The following CCDC33 variants were observed in gnomAD, a reference collection of about 807,000 sequenced individuals.
CCDC33 encodes the protein coiled-coil domain containing 33, also known as coiled-coil domain-containing protein 33.
Under a neutral mutation model 91.9 loss-of-function variants are expected in CCDC33, and 94 were observed. The ratio of observed to expected loss-of-function variants is 1.02; its 90% CI spans 0.87 to 1.21. The LOEUF is 1.21. CCDC33 is among the 50% of genes most tolerant of loss of function. The pLI is 0.00. For synonymous variants in CCDC33, 396 were observed against 374.5 expected, an observed-to-expected ratio of 1.06 and a Z score of -0.66; for missense variants, 940 against 935.5, an observed-to-expected ratio of 1.00 and a Z score of -0.06.
chr15:74,281,624 A>G (rs2059365657), intron 9 of CCDC33, among the ~76,000 whole-genome samples, 154 bp from the exon 10 acceptor site: 1 of 152,172 alleles, frequency 6.6e-6, no homozygotes, highest in Non-Finnish European at 1.5e-5. Context: ...GCAGTTTGCG[A>G]GGGCAAAAGC....
At chr15:74,237,486 C>A (rs1595912232) in intron 1 of CCDC33, among the ~76,000 whole-genome samples, 1 of 152,210 alleles carries the variant, frequency 6.6e-6, no homozygotes, top group Admixed American at 6.5e-5. Context: ...ATGGGGGATA[C>A]CCTCTTTGTA....
chr15:74,209,230 C>T (rs949774093), intron 1 of CCDC33: 25 of 1,132,668 alleles, frequency 2.2e-5, no homozygotes, highest in Non-Finnish European at 3.2e-5. Context: ...TCCACACCCC[C>T]AAACCGTTTG....
At chr15:74,327,272 T>C (rs1170849578) in intron 11 of CCDC33, among the ~76,000 whole-genome samples, 1 of 152,120 alleles carries the variant, frequency 6.6e-6, no homozygotes, top group Non-Finnish European at 1.5e-5. Context: ...CCAGAAGCCA[T>C]GCTCTCCCTC....
At chr15:74,214,124 TG>T (rs1219896550), upstream of CCDC33, among the ~76,000 whole-genome samples, 1 of 143,914 alleles carries the variant, frequency 6.9e-6, no homozygotes, top group Non-Finnish European at 1.5e-5. Flanking sequence ...TCAGGGGCCA[TG>T]GGGGTGTGTC....
intron 2 of CCDC33, among the ~76,000 whole-genome samples, chr15:74,249,141 A>G (rs2075624978): frequency 6.6e-6 from 1 of 152,090 alleles, no homozygotes; most frequent in African/African-American, 2.4e-5. Context: ...AGTCTGCAAA[A>G]TAGCTCATTT....
chr15:74,218,124 G>A lies in CCDC33; in HGVS notation c.311-373G>A, dbSNP rs2074496475. 6.6e-6 allele frequency among the ~76,000 whole-genome samples: 1 copy of A among 152,150 alleles called. No individual in the cohort carries two copies. Among genetic ancestry groups the A allele is most frequent in the South Asian group, 2.1e-4 (1 of 4,826 alleles). On this transcript the variant is annotated intron_variant, in intron 1 of 2. Coordinates refer to the CCDC33 transcript ENST00000635913. The surrounding 1 kb of genome is among the most constrained non-coding windows in gnomAD (Gnocchi z 4.8). ...CTAAGGCCACCCTGGCAGGCTGCCT[G>A]GAGGAGGAGGGATGTGAGGGAACAG...
chr15:74,222,355 G>A (rs936091662), intron 2 of CCDC33, among the ~76,000 whole-genome samples: 3 of 152,062 alleles, frequency 2.0e-5, no homozygotes, highest in Non-Finnish European at 4.4e-5. Flanking sequence ...CTAGAAGGCC[G>A]GGAACTCCCT....
At chr15:74,309,527 A>G (rs2059952272) in intron 11 of CCDC33, among the ~76,000 whole-genome samples, 1 of 152,226 alleles carries the variant, frequency 6.6e-6, no homozygotes, top group South Asian at 2.1e-4. Context: ...AAAGGGGGAC[A>G]GTGCTAGCCC....
At chr15:74,225,085 A>G (rs1010778017) in intron 2 of CCDC33, among the ~76,000 whole-genome samples, 1 of 150,848 alleles carries the variant, frequency 6.6e-6, no homozygotes, top group Non-Finnish European at 1.5e-5. Context: ...CACCCCAGCC[A>G]GGGGCTGACG....
At chr15:74,231,171 C>T (rs1018684446) in intron 2 of CCDC33, among the ~76,000 whole-genome samples, 9 of 152,204 alleles carry the variant, frequency 5.9e-5, no homozygotes, top group African/African-American at 1.9e-4. Flanking sequence ...CCCACCCTGG[C>T]CCACTCAGCA....
intron 10 of CCDC33, among the ~76,000 whole-genome samples, chr15:74,287,869 C>A (rs910762410): frequency 6.6e-6 from 1 of 152,202 alleles, no homozygotes; most frequent in African/African-American, 2.4e-5. Context: ...CAAGGCCAAC[C>A]TGGCCCCCAG....
At chr15:74,226,441 G>A (rs938310316) in intron 2 of CCDC33, among the ~76,000 whole-genome samples, 6 of 152,174 alleles carry the variant, frequency 3.9e-5, no homozygotes, top group African/African-American at 1.2e-4. Context: ...GGGAAATTGC[G>A]TGGTGCTAAC....
chr15:74,231,340 C>T (rs2074965631), upstream of CCDC33, among the ~76,000 whole-genome samples: 1 of 152,218 alleles, frequency 6.6e-6, no homozygotes, highest in Non-Finnish European at 1.5e-5. Flanking sequence ...AAGTGATGTC[C>T]TCCAGGCCCC....
At chr15:74,293,622 C>A (rs2059625486) in intron 10 of CCDC33, among the ~76,000 whole-genome samples, 1 of 152,164 alleles carries the variant, frequency 6.6e-6, no homozygotes, top group African/African-American at 2.4e-5. Flanking sequence ...GTGAAGCCTG[C>A]CCTCTGTGAG....
chr15:74,290,880 A>G (rs528228718), intron 10 of CCDC33, among the ~76,000 whole-genome samples: 1 of 152,104 alleles, frequency 6.6e-6, no homozygotes, highest in South Asian at 2.1e-4. Context: ...AATAGGGGAA[A>G]CCCAAGGGAA....
intron 13 of CCDC33, 95 bp downstream of exon 13, chr15:74,330,846 G>A: frequency 1.3e-6 from 2 of 1,509,212 alleles, no homozygotes; most frequent in Admixed American, 3.6e-5. Flanking sequence ...AACAGGCACA[G>A]AGGGAATGGA....
intron 18 of CCDC33, chr15:74,335,682 C>G (rs1239749626): frequency 2.2e-6 from 1 of 456,196 alleles, no homozygotes; most frequent in Non-Finnish European, 4.0e-6. Context: ...TGGGAAAGGC[C>G]TGGAAAGGAT....
At chr15:74,276,660 G>A (rs2076459175) in intron 7 of CCDC33, among the ~76,000 whole-genome samples, 1 of 152,156 alleles carries the variant, frequency 6.6e-6, no homozygotes, top group Admixed American at 6.5e-5. Flanking sequence ...TCTCAGCCAG[G>A]TCCACAGGCC....
chr15:74,232,454 G>C (rs781250954), upstream of CCDC33, among the ~76,000 whole-genome samples: 1 of 152,188 alleles, frequency 6.6e-6, no homozygotes, highest in Non-Finnish European at 1.5e-5. Flanking sequence ...AAAGGCACTT[G>C]TATGGAGAGA....
Sources: gnomAD v4.1 joint callset for allele counts (sites outside exome capture counted in the v4.1 genomes callset) on GRCh38, gnomAD v4.1.1 for gene constraint, Gnocchi (gnomAD v3.1) non-coding constraint, MANE v1.5 for transcripts, NCBI Gene and HGNC (gene_info 2026-07-23, HGNC 2026-07-21) for gene names.